PRKCA: variants seen among roughly 807,000 people sequenced by gnomAD.
PRKCA encodes the protein protein kinase C alpha, also known as protein kinase C alpha type.
Under a neutral mutation model 87.0 loss-of-function variants are expected in PRKCA, and 27 were observed. The observed-to-expected ratio is 0.31, with a 90% confidence interval of 0.23 to 0.43. PRKCA has a LOEUF of 0.43. Among genes scored for constraint, PRKCA ranks in the 20% least tolerant of loss-of-function variants. The pLI, the probability that PRKCA is intolerant of heterozygous loss-of-function variation, is 1.00. For missense variants in PRKCA, 518 were observed against 852.3 expected (o/e 0.61, Z 4.88); for synonymous variants, 329 against 311.1 (o/e 1.06, Z -0.61).
At chr17:66,761,050 T>C (rs146037263) in intron 13 of PRKCA, among the ~76,000 whole-genome samples, 278 of 152,290 alleles carry the variant, frequency 1.8e-3, no homozygotes, top group Middle Eastern at 6.8e-3. Context: ...TCTCCAATTG[T>C]ACATAGAGCC....
In PRKCA at chr17:66,581,158, G is replaced by T. The variant is rs190607114; in HGVS notation, c.289-60197G>T. Reference sequence around the variant, plus strand: ...TTTATTTTTTATCACCAGAGAAAGAGTGATCCTCCTAAGTAAATGTTCTAG... The same window carrying T: ...TTTATTTTTTATCACCAGAGAAAGATTGATCCTCCTAAGTAAATGTTCTAG... On this transcript the variant is annotated intron_variant, in intron 3 of 16. Transcript: ENST00000413366. Among the ~76,000 whole-genome samples, 291 of 152,296 alleles carry T rather than the reference G, an allele frequency of 1.9e-3. 2 individuals carry two copies. Among genetic ancestry groups the T allele is most frequent in the African/African-American group, 6.9e-3 (287 of 41,564 alleles).
At chr17:66,325,898 G>A (rs1185704095) in intron 2 of PRKCA, among the ~76,000 whole-genome samples, 3 of 151,904 alleles carry the variant, frequency 2.0e-5, no homozygotes, top group African/African-American at 7.3e-5. Context: ...TTTAAAACTG[G>A]ACTTTTGTGT....
At chr17:66,667,027 G>A (rs1399934340) in intron 5 of PRKCA, among the ~76,000 whole-genome samples, 1 of 152,162 alleles carries the variant, frequency 6.6e-6, no homozygotes, top group African/African-American at 2.4e-5. Context: ...TCCCTGTCCA[G>A]CCAACTCCTT....
rs543839484 is a variant in PRKCA, at chr17:66,528,940, A to G, written c.288+32657A>G. On this transcript the variant is annotated intron_variant, in intron 3 of 16. Coordinates refer to ENST00000413366, the MANE Select transcript of PRKCA (RefSeq NM_002737.3). ...ATGGTAGAGTTTCAAGTTCACATTC[A>G]AGTACAAATGATGAATAAGCCCAGC... 4.6e-5 allele frequency among the ~76,000 whole-genome samples: 7 copies of G among 152,322 alleles called. No individual in the cohort carries two copies. In the South Asian group the frequency reaches 8.3e-4, roughly 18 times the overall value.
chr17:66,660,866 A>G (rs1963333), intron 5 of PRKCA, among the ~76,000 whole-genome samples: 87,137 of 151,826 alleles, frequency 0.57, 25,341 homozygotes, highest in African/African-American at 0.69. Context: ...CCGAGATCGC[A>G]CCACTGCACT....
intron 3 of PRKCA, among the ~76,000 whole-genome samples, chr17:66,621,247 T>G (rs1174582328): frequency 2.6e-5 from 4 of 152,226 alleles, no homozygotes; most frequent in Admixed American, 6.5e-5. Context: ...GTGTTTGATT[T>G]TCATTAAATG....
At chr17:66,423,559 A>G (rs369765556) in intron 2 of PRKCA, among the ~76,000 whole-genome samples, 3 of 152,226 alleles carry the variant, frequency 2.0e-5, no homozygotes, top group African/African-American at 7.2e-5. Context: ...CTCAGAAGAA[A>G]GTCCCCTAGG....
chr17:66,310,153 C>G (rs564181550), intron 2 of PRKCA, among the ~76,000 whole-genome samples: 51 of 152,222 alleles, frequency 3.4e-4, no homozygotes, highest in Admixed American at 7.8e-4. Context: ...ATTTCAAATG[C>G]CAAACAGTTA....
At chr17:66,762,877 A>G (rs1157169860) in intron 13 of PRKCA, among the ~76,000 whole-genome samples, 1 of 151,776 alleles carries the variant, frequency 6.6e-6, no homozygotes, top group Non-Finnish European at 1.5e-5. Flanking sequence ...TGCAACCTCT[A>G]CCTCCCGGGT....
intron 2 of PRKCA, among the ~76,000 whole-genome samples, chr17:66,328,469 A>T (rs992598856): frequency 1.3e-5 from 2 of 152,140 alleles, no homozygotes; most frequent in African/African-American, 4.8e-5. Context: ...AGCAACTGCA[A>T]AGGCCCTAAA....
intron 2 of PRKCA, among the ~76,000 whole-genome samples, chr17:66,436,188 G>A (rs1179731316): frequency 6.6e-6 from 1 of 152,176 alleles, no homozygotes; most frequent in African/African-American, 2.4e-5. Flanking sequence ...CAAGAGGTTG[G>A]ATGGCATTGA....
intron 5 of PRKCA, among the ~76,000 whole-genome samples, chr17:66,656,845 A>G (rs1216931890): frequency 6.6e-6 from 1 of 152,206 alleles, no homozygotes; most frequent in Non-Finnish European, 1.5e-5. Context: ...GTGGGTAGGA[A>G]TGGCTCAGTA....
chr17:66,658,491 A>AAACAAC (rs61208838), intron 5 of PRKCA, among the ~76,000 whole-genome samples: 154 of 150,380 alleles, frequency 1.0e-3, no homozygotes, highest in Middle Eastern at 6.8e-3. Flanking sequence ...CTGTCTTCAA[A>AAACAAC]AACAACAACA....
intron 5 of PRKCA, among the ~76,000 whole-genome samples, chr17:66,654,572 C>A (rs1290413388): frequency 1.3e-5 from 2 of 152,224 alleles, no homozygotes; most frequent in Admixed American, 1.3e-4. Flanking sequence ...AGGGAAGATC[C>A]TGTGATTACT....
At chr17:66,737,287 C>T (rs1268944565) in intron 10 of PRKCA, among the ~76,000 whole-genome samples, 4 of 151,984 alleles carry the variant, frequency 2.6e-5, no homozygotes, top group Admixed American at 6.6e-5. Context: ...GGCGTGAACC[C>T]GGGAGGTGGA....
chr17:66,761,379 A>AG (rs1466857869), intron 13 of PRKCA, among the ~76,000 whole-genome samples: 1 of 151,386 alleles, frequency 6.6e-6, no homozygotes, highest in Non-Finnish European at 1.5e-5. Context: ...AAAAAAAAAA[A>AG]AAGATACATA....
chr17:66,799,928 G>A (rs1394653013), intron 16 of PRKCA, among the ~76,000 whole-genome samples: 1 of 152,006 alleles, frequency 6.6e-6, no homozygotes, highest in Non-Finnish European at 1.5e-5. Context: ...CTTGGTGGGG[G>A]AAGGGGACTT....
intron 13 of PRKCA, among the ~76,000 whole-genome samples, chr17:66,758,099 G>C (rs1268170144): frequency 6.6e-6 from 1 of 152,226 alleles, no homozygotes; most frequent in African/African-American, 2.4e-5. Flanking sequence ...GGAAGGGCAG[G>C]CTTTGCAGAT....
chr17:66,415,474 C>G (rs1912082488), intron 2 of PRKCA: 1 of 152,124 alleles, frequency 6.6e-6, no homozygotes, highest in Non-Finnish European at 1.5e-5. Flanking sequence ...TAACTTTTGG[C>G]CCAAAGGTAG....
Sources: gnomAD v4.1 joint callset for allele counts (sites outside exome capture counted in the v4.1 genomes callset) on GRCh38, gnomAD v4.1.1 for gene constraint, MANE v1.5 for transcripts, NCBI Gene and HGNC (gene_info 2026-07-23, HGNC 2026-07-21) for gene names.